TLN2: variants seen among roughly 807,000 people sequenced by gnomAD.
The protein encoded by TLN2 is talin-2.
A neutral mutation model predicts 294.7 loss-of-function variants in TLN2; 118 were observed. The observed-to-expected ratio is 0.40, with a 90% CI of 0.34 to 0.47. The LOEUF is 0.47. Among genes scored for constraint, TLN2 ranks in the 20% least tolerant of loss-of-function variants. TLN2 has a pLI of 0.84. For synonymous variants in TLN2, 1,431 were observed against 1,304.5 expected (o/e 1.10, Z -2.09); for missense variants, 3,083 against 3,282.2 (o/e 0.94, Z 1.48).
At chr15:62,787,488 C>T (rs990712907) in intron 45 of TLN2, among the ~76,000 whole-genome samples, 5 of 151,858 alleles carry the variant, frequency 3.3e-5, no homozygotes, top group African/African-American at 7.3e-5. Flanking sequence ...ACTTTTATTT[C>T]GACAAAAAAA....
chr15:62,582,215 C>CACACACACACACAT (rs2045132224), intron 1 of TLN2, among the ~76,000 whole-genome samples: 1 of 134,250 alleles, frequency 7.4e-6, no homozygotes, highest in Non-Finnish European at 1.6e-5. Context: ...CACACACACA[C>CACACACACACACAT]ACACACACAC....
At position 62,722,474 on chromosome 15, in the gene TLN2, C is replaced by T. The variant is rs372847514; in HGVS notation, c.3113C>T (p.Thr1038Ile). Residue 1038 changes from threonine to isoleucine, a missense_variant, in exon 26 of 59, where the codon ACC becomes ATC. By Grantham distance (89) the Thr-to-Ile change is moderately conservative (BLOSUM62 -1). Transcript: ENST00000636159. ...NLATSLAELR[T>I]ASQKAHEACG... ...GCCACCAGCTTGGCGGAGCTGCGTA[C>T]CGCCTCGCAGAAGGCAAGTGGAGCG... 51 of 1,611,052 alleles carry T rather than the reference C, an allele frequency of 3.2e-5. No homozygotes were observed. Among genetic ancestry groups the T allele is most frequent in the Non-Finnish European group, 4.0e-5 (47 of 1,178,982 alleles).
At chr15:62,559,919 C>T (rs946781038) in intron 1 of TLN2, among the ~76,000 whole-genome samples, 2 of 152,198 alleles carry the variant, frequency 1.3e-5, no homozygotes, top group African/African-American at 2.4e-5. Flanking sequence ...TTTGTGACTT[C>T]GTAATCTTCC....
intron 9 of TLN2, among the ~76,000 whole-genome samples, chr15:62,660,300 A>G (rs939388456): frequency 3.3e-5 from 5 of 152,206 alleles, no homozygotes; most frequent in Non-Finnish European, 7.3e-5. Context: ...ACTTTAGTGA[A>G]GGTACTCATT....
intron 1 of TLN2, among the ~76,000 whole-genome samples, chr15:62,561,761 T>G (rs961495838): frequency 3.0e-4 from 46 of 152,110 alleles, no homozygotes; most frequent in African/African-American, 1.1e-3. Context: ...CCTCCTTCCC[T>G]TTCCGACTCC....
At chr15:62,474,539 G>GTA (rs2037678639) in intron 1 of TLN2, among the ~76,000 whole-genome samples, 2 of 152,298 alleles carry the variant, frequency 1.3e-5, no homozygotes, top group South Asian at 4.1e-4. Context: ...CTACTCGGGA[G>GTA]GCTGAGATGG....
rs148179202 is a variant in TLN2, at chr15:62,725,153, G to A, written c.3255+49G>A. The A allele has an allele frequency of 3.0e-3, 4,698 of 1,562,026 alleles. 10 individuals are homozygous for A. The highest frequency in any genetic ancestry group is 3.5e-3 in the Non-Finnish European group (4,030 of 1,152,074). On this transcript the variant is annotated intron_variant, in intron 27 of 58. Coordinates refer to ENST00000636159, the MANE Select transcript of TLN2 (RefSeq NM_015059.3). ...GTGCGGGTGTACCTTTTGTTATGAC[G>A]TTATTAAATTGTTTGTTGTTAGGGT...
At chr15:62,446,278 C>T (rs1030508672) in intron 1 of TLN2, among the ~76,000 whole-genome samples, 1 of 152,176 alleles carries the variant, frequency 6.6e-6, no homozygotes, top group African/African-American at 2.4e-5. Flanking sequence ...CAGGTGCGAG[C>T]CACCGCGCCC....
At chr15:62,509,839 C>T (rs945516380) in intron 1 of TLN2, among the ~76,000 whole-genome samples, 23 of 152,318 alleles carry the variant, frequency 1.5e-4, no homozygotes, top group African/African-American at 5.1e-4. Context: ...CCTCCTAATG[C>T]CTGGGCTCCG....
intron 1 of TLN2, among the ~76,000 whole-genome samples, chr15:62,518,836 G>C (rs2040316160): frequency 6.6e-6 from 1 of 152,118 alleles, no homozygotes; most frequent in South Asian, 2.1e-4. Flanking sequence ...GACCTTAAGT[G>C]ATCCACCAGC....
chr15:62,708,437 G>A (rs2059206989), intron 20 of TLN2, 65 bp from the exon 21 acceptor site: 3 of 1,548,962 alleles, frequency 1.9e-6, no homozygotes, highest in Admixed American at 1.7e-5. Context: ...TGGGACTGCG[G>A]GGGCACATGG....
chr15:62,796,219 C>T lies in TLN2; in HGVS notation c.5976C>T (p.Asp1992=), dbSNP rs867903711. 3 of 1,614,226 alleles carry T rather than the reference C, an allele frequency of 1.9e-6. No homozygotes were observed. The highest frequency in any genetic ancestry group is 3.3e-4 in the Middle Eastern group (2 of 6,062). The change falls in exon 47 of 59, where the codon GAC becomes GAT. Residue 1992 remains aspartate, a synonymous_variant. Coordinates refer to ENST00000636159, the MANE Select transcript of TLN2 (RefSeq NM_015059.3). The stretch of plus-strand genomic sequence containing the variant: ...CCGCTGTGTCTGGGATCATTGCCGA[C>T]CTGGACACCACCATTATGTTTGCAA... The part of the protein sequence containing the change: ...AATAVSGIIA[D]LDTTIMFATA...
At chr15:62,598,171 C>T (rs2046694078) in intron 2 of TLN2, among the ~76,000 whole-genome samples, 1 of 152,206 alleles carries the variant, frequency 6.6e-6, no homozygotes, top group Admixed American at 6.5e-5. Flanking sequence ...CAGATGTTAT[C>T]ACTGACATTT....
chr15:62,537,551 A>G (rs1387798391), intron 1 of TLN2, among the ~76,000 whole-genome samples: 2 of 152,174 alleles, frequency 1.3e-5, no homozygotes, highest in Non-Finnish European at 2.9e-5. Flanking sequence ...TATATAACAA[A>G]TCTATTTTAT....
chr15:62,610,746 G>A (rs2047846575), intron 2 of TLN2, among the ~76,000 whole-genome samples: 1 of 152,212 alleles, frequency 6.6e-6, no homozygotes, highest in Admixed American at 6.5e-5. Flanking sequence ...GTCCATGAGG[G>A]ACTGCAAACG....
At chr15:62,712,907 G>T (rs2059513394) in intron 22 of TLN2, among the ~76,000 whole-genome samples, 1 of 152,066 alleles carries the variant, frequency 6.6e-6, no homozygotes, top group African/African-American at 2.4e-5. Flanking sequence ...TGTGAAAAAA[G>T]AAAATAAAAA....
intron 3 of TLN2, among the ~76,000 whole-genome samples, chr15:62,627,046 C>A (rs1596387917): frequency 6.6e-6 from 1 of 152,336 alleles, no homozygotes; most frequent in East Asian, 1.9e-4. Context: ...CAAGGAAGGG[C>A]TAAGGTAAGT....
chr15:62,523,175 G>C (rs376202304), intron 1 of TLN2, among the ~76,000 whole-genome samples: 46 of 152,300 alleles, frequency 3.0e-4, no homozygotes, highest in African/African-American at 1.0e-3. Flanking sequence ...TGTTCTTACA[G>C]AGCCCCGAAG....
intron 1 of TLN2, among the ~76,000 whole-genome samples, chr15:62,579,464 C>T (rs1423991936): frequency 6.6e-6 from 1 of 152,166 alleles, no homozygotes; most frequent in Non-Finnish European, 1.5e-5. Flanking sequence ...GCAGAATCCT[C>T]TCAAATGACC....
Sources: gnomAD v4.1 joint callset for allele counts (sites outside exome capture counted in the v4.1 genomes callset) on GRCh38, gnomAD v4.1.1 for gene constraint, MANE v1.5 for transcripts, NCBI Gene and HGNC (gene_info 2026-07-23, HGNC 2026-07-21) for gene names.